Variants in KCNJ3 observed in about 807,000 individuals in gnomAD.
KCNJ3 encodes the protein potassium inwardly rectifying channel subfamily J member 3.
KCNJ3 carries 4 observed loss-of-function variants against 39.2 expected under a neutral mutation model. That is an observed-to-expected ratio of 0.10 (90% CI 0.05 to 0.23). The LOEUF (loss-of-function observed/expected upper bound fraction) is 0.23. KCNJ3 is among the 10% of genes least tolerant of loss of function. The pLI is 1.00. For synonymous variants in KCNJ3, 230 were observed against 237.4 expected, an observed-to-expected ratio of 0.97 and a Z score of 0.29; for missense variants, 276 against 634.9, an observed-to-expected ratio of 0.43 and a Z score of 6.08.
chr2:154,700,970 G>C (rs913801114), intron 1 of KCNJ3, among the ~76,000 whole-genome samples: 7 of 152,112 alleles, frequency 4.6e-5, no homozygotes, highest in Non-Finnish European at 1.0e-4. Context: ...AATTTGGGTA[G>C]ATCATATTCA....
intron 2 of KCNJ3, among the ~76,000 whole-genome samples, chr2:154,751,110 G>A (rs1277233892): frequency 6.6e-6 from 1 of 151,796 alleles, no homozygotes; most frequent in Non-Finnish European, 1.5e-5. Context: ...ACTTACTCAT[G>A]TAACCAAATA....
chr2:154,845,959 G>GACTC (rs1278692054), intron 2 of KCNJ3, among the ~76,000 whole-genome samples: 1 of 142,196 alleles, frequency 7.0e-6, no homozygotes, highest in Non-Finnish European at 1.5e-5. Flanking sequence ...GTCACAGCGA[G>GACTC]ACTCTGTCTC....
chr2:154,836,852 A>G, intron 2 of KCNJ3, among the ~76,000 whole-genome samples: 1 of 152,206 alleles, frequency 6.6e-6, no homozygotes, highest in East Asian at 1.9e-4. Context: ...AGCAAACAAA[A>G]TGTATTTGAA....
intron 2 of KCNJ3, among the ~76,000 whole-genome samples, chr2:154,842,213 A>G (rs1291552693): frequency 2.0e-5 from 3 of 152,200 alleles, no homozygotes; most frequent in Non-Finnish European, 4.4e-5. Flanking sequence ...GTCGTCATTC[A>G]GGAGCAAGTT....
chr2:154,776,446 G>A (rs868608124), intron 2 of KCNJ3, among the ~76,000 whole-genome samples: 2 of 151,932 alleles, frequency 1.3e-5, no homozygotes, highest in African/African-American at 4.8e-5. Flanking sequence ...ACAAAATCAC[G>A]TACACATAAT....
chr2:154,835,718 G>A (rs868216399), intron 2 of KCNJ3, among the ~76,000 whole-genome samples: 6 of 151,486 alleles, frequency 4.0e-5, no homozygotes, highest in South Asian at 2.1e-4. Flanking sequence ...TTGTTTAGAC[G>A]TTAGCTATGT....
At chr2:154,765,710 A>G (rs1177779202) in intron 2 of KCNJ3, among the ~76,000 whole-genome samples, 3 of 152,170 alleles carry the variant, frequency 2.0e-5, no homozygotes, top group African/African-American at 7.2e-5. Context: ...ACTACAGTGA[A>G]CTCTTGGGAC....
intron 2 of KCNJ3, among the ~76,000 whole-genome samples, chr2:154,788,176 C>T (rs1686567317): frequency 6.6e-6 from 1 of 152,126 alleles, no homozygotes. Flanking sequence ...GAAGCAGACA[C>T]ATCCTACATC....
chr2:154,854,888 C>T lies in KCNJ3; in HGVS notation c.1081C>T (p.Gln361Ter). The change falls in exon 3 of 3, where the codon CAG becomes TAG. Residue 361 changes from glutamine to a stop codon, truncating the protein, a stop_gained. Coordinates refer to ENST00000295101, the MANE Select transcript of KCNJ3 (RefSeq NM_002239.4). LOFTEE classifies it high-confidence loss of function. ...CACCCCACCTTACAGTGTGAAAGAG[C>T]AGGAGGAAATGCTTCTCATGTCGTC... ...VPTPPYSVKE[Q>*]EEMLLMSSPL... 1 of 1,613,980 alleles carries T rather than the reference C, an allele frequency of 6.2e-7. No homozygotes were observed.
chr2:154,782,618 T>C (rs1686457876), intron 2 of KCNJ3, among the ~76,000 whole-genome samples: 1 of 152,036 alleles, frequency 6.6e-6, no homozygotes, highest in Non-Finnish European at 1.5e-5. Context: ...AAATATCTAC[T>C]AATAAATCTG....
At position 154,699,386 on chromosome 2, in the gene KCNJ3, T is replaced by C; in HGVS notation, c.611T>C (p.Met204Thr). 12 of 1,610,350 alleles carry C rather than the reference T, an allele frequency of 7.5e-6. No homozygotes were observed. Among genetic ancestry groups the C allele is most frequent in the Non-Finnish European group, 1.0e-5 (12 of 1,180,002 alleles). Residue 204 changes from methionine (M) to threonine (T), a missense_variant, in exon 1 of 3, where the codon ATG becomes ACG. Around this residue, in one of 4 missense-constraint regions of KCNJ3, gnomAD observed 77 missense variants for 200.0 expected, o/e 0.38. Transcript: ENST00000295101. This position sits in a 1 kb window ranked among gnomAD's most constrained non-coding sequence, Gnocchi z 6.4. Reference sequence around the variant, plus strand: ...TTCAGCGAGCACGCGGTGATCTCCATGAGGGACGGAAAACTCACGCTTATG... The same window carrying C: ...TTCAGCGAGCACGCGGTGATCTCCACGAGGGACGGAAAACTCACGCTTATG... ...LMFSEHAVISMRDGKLTLMFR... is the reference protein window; with the variant it reads ...LMFSEHAVISTRDGKLTLMFR...
At chr2:154,738,419 A>G (rs529367562) in intron 2 of KCNJ3, among the ~76,000 whole-genome samples, 1 of 152,204 alleles carries the variant, frequency 6.6e-6, no homozygotes, top group African/African-American at 2.4e-5. Flanking sequence ...TAATGCCTGT[A>G]ACTGAATTGT....
intron 2 of KCNJ3, among the ~76,000 whole-genome samples, chr2:154,739,439 G>T (rs1478629107): frequency 6.6e-6 from 1 of 152,048 alleles, no homozygotes; most frequent in South Asian, 2.1e-4. Flanking sequence ...TGATGAGTTG[G>T]TGCTTTCACA....
At chr2:154,774,112 A>G (rs190415803) in intron 2 of KCNJ3, among the ~76,000 whole-genome samples, 4 of 152,314 alleles carry the variant, frequency 2.6e-5, no homozygotes, top group African/African-American at 9.6e-5. Flanking sequence ...TAATACTTTA[A>G]TATCACTTCC....
At chr2:154,795,523 G>C (rs1686707220) in intron 2 of KCNJ3, among the ~76,000 whole-genome samples, 1 of 151,882 alleles carries the variant, frequency 6.6e-6, no homozygotes, top group African/African-American at 2.4e-5. Context: ...TATAAAACTG[G>C]AGATTTTAAA....
At chr2:154,815,176 TA>T (rs1687061520) in intron 2 of KCNJ3, among the ~76,000 whole-genome samples, 2 of 152,206 alleles carry the variant, frequency 1.3e-5, no homozygotes, top group Non-Finnish European at 2.9e-5. Flanking sequence ...CTATAGAAAT[TA>T]TTTTTTTCTG....
intron 2 of KCNJ3, among the ~76,000 whole-genome samples, chr2:154,834,689 T>G (rs1387845354): frequency 1.5e-5 from 2 of 134,788 alleles, no homozygotes; most frequent in South Asian, 2.2e-4. Context: ...AGTGAGCCAC[T>G]GCACTCCCGC....
At chr2:154,776,463 G>A (rs1686337739) in intron 2 of KCNJ3, among the ~76,000 whole-genome samples, 1 of 151,910 alleles carries the variant, frequency 6.6e-6, no homozygotes, top group Non-Finnish European at 1.5e-5. Context: ...TAATATATTG[G>A]CACATATATT....
intron 2 of KCNJ3, among the ~76,000 whole-genome samples, chr2:154,847,249 A>G (rs78829625): frequency 0.085 from 12,896 of 152,224 alleles, 732 homozygotes; most frequent in African/African-American, 0.16. Flanking sequence ...AAAAAAAATC[A>G]TAAGCTTCTT....
Sources: allele counts gnomAD v4.1 joint callset (sites outside exome capture counted in the v4.1 genomes callset), GRCh38; gene constraint gnomAD v4.1.1; regional missense constraint gnomAD v4.1.1; non-coding constraint Gnocchi (gnomAD v3.1); transcripts MANE v1.5; gene names NCBI Gene and HGNC (gene_info 2026-07-23, HGNC 2026-07-21).